Variants in IL9R observed in about 807,000 individuals in gnomAD.
IL9R encodes interleukin-9 receptor.
Under a neutral mutation model 56.3 loss-of-function variants are expected in IL9R, and 54 were observed. That is an observed-to-expected ratio of 0.96 (90% CI 0.77 to 1.20). The LOEUF (loss-of-function observed/expected upper bound fraction) is 1.20, where lower values mean the gene tolerates loss of function less well. IL9R is among the 50% of genes most tolerant of loss of function. The probability of loss-of-function intolerance (pLI) is 0.00; values close to 1 mark genes in which losing one functional copy is unlikely to be tolerated. For missense variants in IL9R, 545 were observed against 629.8 expected, an observed-to-expected ratio of 0.87 and a Z score of 1.44; for synonymous variants, 212 against 250.2, an observed-to-expected ratio of 0.85 and a Z score of 1.44.
rs762006740 is a variant in IL9R at position 156,003,138 on chromosome X, A to T, written c.142+119A>T. ...GGTTTGGCCCAAACTGTGCTGGGGC[A>T]TGTCCTCTAGGGGTCAGCCTGGACC... On this transcript the variant is annotated intron_variant, in intron 2 of 8. Coordinates refer to ENST00000244174, the MANE Select transcript of IL9R (RefSeq NM_002186.3). 6.2e-6 allele frequency: 8 copies of T among 1,286,446 alleles called. No individual in the cohort carries two copies. The South Asian group carries it at 8.8e-5, about 14-fold the overall frequency. 79.7% of individuals were successfully genotyped at this position (1,286,446 alleles called of 1,614,324 possible).
chrX:155,999,003 G>A (rs2067326927), intron 1 of IL9R, among the ~76,000 whole-genome samples: 1 of 152,042 alleles, frequency 6.6e-6, no homozygotes, highest in Non-Finnish European at 1.5e-5. Flanking sequence ...CTGGCCCATG[G>A]CCACTGCTCA....
rs1160472803 is a variant in IL9R, at chrX:156,009,385, T to G, written c.973-431T>G. Reference sequence around the variant, plus strand: ...TGTGTCTGTGTGTATCTGTGTGTGTTTGTGTGTGTGTGTGTCTCTGTGTGT... The same window carrying G: ...TGTGTCTGTGTGTATCTGTGTGTGTGTGTGTGTGTGTGTGTCTCTGTGTGT... On this transcript the variant is annotated intron_variant, in intron 8 of 8. Transcript: ENST00000244174. Among the ~76,000 whole-genome samples, 353 of 139,526 alleles carry G rather than the reference T, an allele frequency of 2.5e-3. 1 individual carries two copies. The highest frequency in any genetic ancestry group is 3.9e-3 in the Middle Eastern group (1 of 254). 91.5% of individuals were successfully genotyped at this position (139,526 alleles called of 152,430 possible).
At chrX:156,011,889 ACT>A (rs1374849974), downstream of IL9R, among the ~76,000 whole-genome samples, 1 of 50,786 alleles carries the variant, frequency 2.0e-5, no homozygotes, top group Non-Finnish European at 3.0e-5. Context: ...TCCCATTTAT[ACT>A]CTCTCAGCAG....
At chrX:156,000,599 C>T (rs2067453414) in intron 1 of IL9R, among the ~76,000 whole-genome samples, 1 of 152,298 alleles carries the variant, frequency 6.6e-6, no homozygotes, top group African/African-American at 2.4e-5. Context: ...CTGGTTTCCC[C>T]TCCTGCTCTC....
chrX:156,004,709 G>C, intron 5 of IL9R, 144 bp downstream of exon 5: 3 of 791,080 alleles, frequency 3.8e-6, no homozygotes, highest in East Asian at 2.6e-5. Context: ...ACACACACAT[G>C]CTGGCATGCA....
chrX:156,009,385 TTGTGTGTGTGTGTGTCTCTG>T (rs1211158831), intron 8 of IL9R, among the ~76,000 whole-genome samples: 1 of 139,444 alleles, frequency 7.2e-6, no homozygotes, highest in African/African-American at 2.8e-5. Context: ...CTGTGTGTGT[TTGTGTGTGTGTGTGTCTCTG>T]TGTGTGTGTG....
At chrX:156,001,903 CTCT>C (rs2067558835) in intron 1 of IL9R, among the ~76,000 whole-genome samples, 1 of 152,160 alleles carries the variant, frequency 6.6e-6, no homozygotes. Context: ...TCTGGTGTTG[CTCT>C]TCTTTGCAGG....
Position 156,002,942 on chromosome X carries a change from T to C in IL9R, c.65T>C (p.Met22Thr), listed in dbSNP as rs2067635640. The stretch of plus-strand genomic sequence containing the variant: ...GAGAGTGAGGCCCTGAGGCGAGACA[T>C]GGGCACCTGGCTCCTGGCCTGCATC... ...TLESEALRRD[M>T]GTWLLACICI... Residue 22 changes from methionine to threonine, a missense_variant, in exon 2 of 9, where the codon ATG (methionine) becomes ACG (threonine). Met to Thr is a moderately conservative substitution (Grantham distance 81, BLOSUM62 -1). Coordinates refer to ENST00000244174, the MANE Select transcript of IL9R (RefSeq NM_002186.3). 1 of 1,613,824 alleles carries C rather than the reference T, an allele frequency of 6.2e-7. No individual in the cohort carries two copies. The highest frequency in any genetic ancestry group is 2.2e-5 in the East Asian group (1 of 44,864).
intron 1 of IL9R, among the ~76,000 whole-genome samples, chrX:156,000,908 T>A (rs1392669403): frequency 1.3e-5 from 2 of 152,150 alleles, no homozygotes. Flanking sequence ...AGCCAGGTAT[T>A]GGGCAGGTCC....
intron 1 of IL9R, among the ~76,000 whole-genome samples, chrX:155,999,123 C>T: frequency 6.6e-6 from 1 of 152,156 alleles, no homozygotes; most frequent in East Asian, 1.9e-4. Context: ...GGAAAGGCCT[C>T]ATGAAGGACC....
In IL9R at chrX:156,003,963, C is replaced by G; in HGVS notation, c.433+108C>G. The G allele has an allele frequency of 1.7e-6, 2 of 1,179,510 alleles. 1 individual carries two copies. Among genetic ancestry groups the G allele is most frequent in the Non-Finnish European group, 2.4e-6 (2 of 824,040 alleles). The allele number at this position is 1,179,510 out of a possible 1,614,324, so 73.1% of individuals were successfully genotyped here. On this transcript the variant is annotated intron_variant, in intron 4 of 8. Transcript: ENST00000244174. Reference sequence around the variant, plus strand: ...GCCTGTGAGTGGCCCAGTGAGTGTTCTCAGTCCCAGCCGAGTGAGATCCAG... The same window carrying G: ...GCCTGTGAGTGGCCCAGTGAGTGTTGTCAGTCCCAGCCGAGTGAGATCCAG...
chrX:156,001,629 CT>C (rs375991671), intron 1 of IL9R: 7 of 607,420 alleles, frequency 1.2e-5, no homozygotes, highest in South Asian at 8.0e-5. Context: ...TTGTGCGGTC[CT>C]TTAAGGCTGT....
Position 156,005,355 on chromosome X carries a change from C to G in IL9R, c.657C>G (p.Ile219Met). Residue 219 changes from isoleucine to methionine, a missense_variant, in exon 6 of 9, where the codon ATC (isoleucine) becomes ATG (methionine). Transcript: ENST00000244174. The stretch of plus-strand genomic sequence containing the variant: ...CCTTTGAGCTGGACCCTGGCTTTAT[C>G]CATGAGGCCAGGCTGCGTGTCCAGA... ...LEAFELDPGF[I>M]HEARLRVQMA... The G allele has an allele frequency of 6.2e-7, 1 of 1,612,618 alleles. No homozygotes were observed. The highest frequency in any genetic ancestry group is 8.5e-7 in the Non-Finnish European group (1 of 1,179,730).
In IL9R at chrX:156,010,150, G is replaced by A. The variant is rs1569480276; in HGVS notation, c.1307G>A (p.Ser436Asn). The A allele has an allele frequency of 6.4e-7, 1 of 1,554,728 alleles. No homozygotes were observed. The highest frequency in any genetic ancestry group is 8.6e-7 in the Non-Finnish European group (1 of 1,167,102). ...GGCAGCAGGAGCAGCAGCAGCAGCA[G>A]CAGCAGCAACAACAACAACTACTGT... ...SEGSRSSSSS[S>N]SSNNNNYCAL... Residue 436 changes from serine (S) to asparagine (N), a missense_variant, in exon 9 of 9, where the codon AGC becomes AAC. Ser to Asn is a conservative substitution (Grantham distance 46). This residue lies in a region of IL9R where 114 missense variants were observed against 269.8 expected (regional missense o/e 0.42). Transcript: ENST00000244174.
At chrX:156,002,168 C>A (rs2067575599) in intron 1 of IL9R, among the ~76,000 whole-genome samples, 1 of 149,504 alleles carries the variant, frequency 6.7e-6, no homozygotes, top group Non-Finnish European at 1.5e-5. Flanking sequence ...ATGGTGAAAC[C>A]CCGTCTCTAC....
At chrX:156,002,809 G>T (rs945614621) in intron 1 of IL9R, 97 bp from the exon 2 acceptor site, 2 of 1,553,986 alleles carry the variant, frequency 1.3e-6, no homozygotes, top group Non-Finnish European at 1.8e-6. Flanking sequence ...GAGTGCAGGT[G>T]GGGACCCATG....
At position 156,007,586 on chromosome X, in the gene IL9R, T is replaced by G; in HGVS notation, c.951T>G (p.Ser317Arg). ...CGATGTTCTTCCAGCCCCTCTACAGTGTACACAATGGGAACTTCCAGGTGT... is the reference window on the plus strand; with the variant it reads ...CGATGTTCTTCCAGCCCCTCTACAGGGTACACAATGGGAACTTCCAGGTGT... ...SPAMFFQPLY[S>R]VHNGNFQTWM... The change falls in exon 8 of 9, where the codon AGT (serine) becomes AGG (arginine). Residue 317 changes from serine (S) to arginine (R), a missense_variant. Coordinates refer to ENST00000244174, the MANE Select transcript of IL9R (RefSeq NM_002186.3). 1 of 1,402,060 alleles carries G rather than the reference T, an allele frequency of 7.1e-7. No individual in the cohort carries two copies. The highest frequency in any genetic ancestry group is 3.0e-5 in the East Asian group (1 of 33,898). 86.9% of individuals were successfully genotyped at this position (1,402,060 alleles called of 1,614,324 possible). A position where few individuals can be genotyped will look rare whatever the true frequency, so the allele number is the denominator to read the frequency against.
chrX:155,998,048 A>T (rs1270963513), intron 1 of IL9R, among the ~76,000 whole-genome samples: 3 of 151,998 alleles, frequency 2.0e-5, no homozygotes, highest in Non-Finnish European at 2.9e-5. Flanking sequence ...TGTGGCACTG[A>T]GTTTGTCAGG....
chrX:156,004,545 A>G lies in IL9R; in HGVS notation c.559A>G (p.Lys187Glu), dbSNP rs776871085. Residue 187 changes from lysine to glutamate, a missense_variant, in exon 5 of 9, where the codon AAG becomes GAG. By Grantham distance (56) the Lys-to-Glu change is moderately conservative. Transcript: ENST00000244174. Reference protein sequence around the residue: ...TLLSYELAFKKQEEAWEQAQH... With the variant: ...TLLSYELAFKEQEEAWEQAQH... ...TCTCAGCTATGAGCTGGCCTTCAAG[A>G]AGCAGGAAGAGGCCTGGGAGGTAAC... 3.1e-6 allele frequency: 5 copies of G among 1,612,772 alleles called. No homozygotes were observed. The highest frequency in any genetic ancestry group is 3.3e-5 in the Admixed American group (2 of 59,980).
Sources: gnomAD v4.1 joint callset for allele counts (sites outside exome capture counted in the v4.1 genomes callset) on GRCh38, gnomAD v4.1.1 for gene constraint, gnomAD v4.1.1 regional missense constraint, MANE v1.5 for transcripts, NCBI Gene and HGNC (gene_info 2026-07-23, HGNC 2026-07-21) for gene names.